Variants in TENM2 observed in about 807,000 individuals in gnomAD.
TENM2 encodes the protein teneurin transmembrane protein 2, also known as teneurin-2.
TENM2 carries 52 observed loss-of-function variants against 245.2 expected under a neutral mutation model. The observed-to-expected ratio is 0.21, with a 90% confidence interval of 0.17 to 0.27. TENM2 has a LOEUF of 0.27. Among genes scored for constraint, TENM2 ranks in the 10% least tolerant of loss-of-function variants. TENM2 has a pLI of 1.00. For missense variants in TENM2, 3,046 were observed against 3,666.8 expected (o/e 0.83, Z 4.37); for synonymous variants, 1,363 against 1,438.9 (o/e 0.95, Z 1.19).
chr5:167,594,854 C>A (rs955963925), intron 2 of TENM2, among the ~76,000 whole-genome samples: 4 of 152,174 alleles, frequency 2.6e-5, no homozygotes, highest in African/African-American at 9.7e-5. Context: ...TTTTGATACA[C>A]CAAAGCCCTT....
the TENM2 span, among the ~76,000 whole-genome samples, chr5:167,030,550 C>T: frequency 6.6e-6 from 1 of 152,124 alleles, no homozygotes; most frequent in Non-Finnish European, 1.5e-5. Context: ...GTGACCTGTG[C>T]CCCATGCAGA....
chr5:167,007,986 C>T, the TENM2 span, among the ~76,000 whole-genome samples: 33 of 152,138 alleles, frequency 2.2e-4, no homozygotes, highest in African/African-American at 7.7e-4. This position sits in a 1 kb window ranked among gnomAD's most constrained non-coding sequence, Gnocchi z 4.2. Flanking sequence ...GCAACTAAGC[C>T]ACAGTAACCC....
At chr5:167,092,760 C>T in the TENM2 span, among the ~76,000 whole-genome samples, 2 of 152,072 alleles carry the variant, frequency 1.3e-5, no homozygotes, top group Non-Finnish European at 2.9e-5. Context: ...TATAGTCACT[C>T]CTGTAATTAT....
the TENM2 span, among the ~76,000 whole-genome samples, chr5:167,221,199 G>T: frequency 3.3e-5 from 5 of 152,128 alleles, no homozygotes; most frequent in Non-Finnish European, 5.9e-5. Context: ...CCTTTTGGGG[G>T]CTTATAGTCT....
At chr5:167,921,390 G>A (rs529675065) in intron 3 of TENM2, among the ~76,000 whole-genome samples, 48 of 152,294 alleles carry the variant, frequency 3.2e-4, no homozygotes, top group Admixed American at 2.4e-3. Flanking sequence ...CAGGAGTTGA[G>A]TTCCTAGATG....
chr5:167,344,309 C>CACATATATAT (rs1554136979), intron 1 of TENM2, among the ~76,000 whole-genome samples: 2 of 84,504 alleles, frequency 2.4e-5, no homozygotes, highest in African/African-American at 6.6e-5. Flanking sequence ...CACACACACA[C>CACATATATAT]ATATATATAT....
At chr5:168,252,873 A>C (rs1767248684) in intron 27 of TENM2, among the ~76,000 whole-genome samples, 1 of 151,930 alleles carries the variant, frequency 6.6e-6, no homozygotes, top group South Asian at 2.1e-4. Flanking sequence ...AAAAGAAAAG[A>C]AAAGAGGCAC....
At chr5:167,882,918 T>A (rs533093038) in intron 3 of TENM2, among the ~76,000 whole-genome samples, 1 of 152,328 alleles carries the variant, frequency 6.6e-6, no homozygotes, top group African/African-American at 2.4e-5. Flanking sequence ...GCTTTCTTCT[T>A]GTTCTAGTAT....
chr5:167,365,272 G>A lies in TENM2; in HGVS notation c.227-9926G>A, dbSNP rs536939180. On this transcript the variant is annotated intron_variant, in intron 1 of 28. Transcript: ENST00000518659. Reference sequence around the variant, plus strand: ...CATGCACAATACATTCAAATTTTGGGGGTACAGATAAAGAGGAAAATATTA... The same window carrying A: ...CATGCACAATACATTCAAATTTTGGAGGTACAGATAAAGAGGAAAATATTA... 1.4e-4 allele frequency among the ~76,000 whole-genome samples: 22 copies of A among 151,926 alleles called. No individual in the cohort carries two copies. The East Asian group carries it at 1.7e-3, about 12-fold the overall frequency.
chr5:167,176,014 C>G, the TENM2 span, among the ~76,000 whole-genome samples: 1 of 152,142 alleles, frequency 6.6e-6, no homozygotes, highest in Non-Finnish European at 1.5e-5. Flanking sequence ...CCAGCTGTAT[C>G]TGTGGTCTTT....
In TENM2 at chr5:168,069,024, T is replaced by TA. The variant is rs765736062; in HGVS notation, c.1515+6766dup. 4.6e-5 allele frequency among the ~76,000 whole-genome samples: 7 copies of TA among 151,738 alleles called. No individual in the cohort carries two copies. The South Asian group carries it at 1.3e-3, about 27-fold the overall frequency. ...AGAGGCACGTCCCTTGCCTTAGATA[T>TA]AAAAAAAGGGGATTTGCACCCAAGC... On this transcript the variant is annotated intron_variant, in intron 7 of 28. Coordinates refer to ENST00000518659, the Ensembl canonical transcript of TENM2.
chr5:167,573,482 C>G (rs1225019854), intron 2 of TENM2, among the ~76,000 whole-genome samples: 1 of 151,762 alleles, frequency 6.6e-6, no homozygotes, highest in African/African-American at 2.4e-5. Context: ...AACCCGCTCT[C>G]TTTTCTTGAT....
At chr5:167,890,615 A>C (rs943957573) in intron 3 of TENM2, among the ~76,000 whole-genome samples, 1 of 152,190 alleles carries the variant, frequency 6.6e-6, no homozygotes, top group South Asian at 2.1e-4. Flanking sequence ...TAACATGCCT[A>C]GTAATACCTA....
chr5:167,684,474 T>G (rs1756944868), intron 2 of TENM2, among the ~76,000 whole-genome samples: 1 of 152,196 alleles, frequency 6.6e-6, no homozygotes, highest in Non-Finnish European at 1.5e-5. Context: ...GTGGGGAGAA[T>G]GAGTCATGCA....
chr5:167,887,169 A>G (rs1379698232), intron 3 of TENM2, among the ~76,000 whole-genome samples: 1 of 152,242 alleles, frequency 6.6e-6, no homozygotes, highest in East Asian at 1.9e-4. Flanking sequence ...GAACAGCTTT[A>G]TAGTCTGCCT....
At chr5:167,640,879 A>ATATATC (rs1779542886) in intron 2 of TENM2, among the ~76,000 whole-genome samples, 1 of 61,020 alleles carries the variant, frequency 1.6e-5, no homozygotes, top group African/African-American at 1.3e-4. Context: ...ATATATATAT[A>ATATATC]TATATATATA....
intron 19 of TENM2, among the ~76,000 whole-genome samples, chr5:168,208,882 A>G (rs1280375491): frequency 6.6e-6 from 1 of 152,228 alleles, no homozygotes; most frequent in African/African-American, 2.4e-5. Flanking sequence ...AGGATGAGAA[A>G]GGAAACCCAA....
At chr5:167,249,112 T>C in the TENM2 span, among the ~76,000 whole-genome samples, 1 of 152,192 alleles carries the variant, frequency 6.6e-6, no homozygotes, top group Non-Finnish European at 1.5e-5. Flanking sequence ...CTTTTGAATG[T>C]GTATGATGCA....
intron 1 of TENM2, among the ~76,000 whole-genome samples, chr5:167,305,603 C>T (rs1008942792): frequency 6.6e-6 from 1 of 152,156 alleles, no homozygotes; most frequent in Non-Finnish European, 1.5e-5. Context: ...GATGATTATT[C>T]GTAGAACTTT....
Sources: gnomAD v4.1 joint callset for allele counts (sites outside exome capture counted in the v4.1 genomes callset) on GRCh38, gnomAD v4.1.1 for gene constraint, Gnocchi (gnomAD v3.1) non-coding constraint, MANE v1.5 for transcripts, NCBI Gene and HGNC (gene_info 2026-07-23, HGNC 2026-07-21) for gene names.